MAD1L1: variants seen among roughly 807,000 people sequenced by gnomAD.
MAD1L1 encodes mitotic arrest deficient 1 like 1, also known as mitotic spindle assembly checkpoint protein MAD1.
Under a neutral mutation model 96.9 loss-of-function variants are expected in MAD1L1, and 95 were observed. The observed-to-expected ratio is 0.98, with a 90% CI of 0.83 to 1.16. The LOEUF (loss-of-function observed/expected upper bound fraction) is 1.16. MAD1L1 is among the 50% of genes most tolerant of loss of function. The pLI is 0.00. For synonymous variants in MAD1L1, 473 were observed against 396.6 expected (o/e 1.19, Z -2.29); for missense variants, 1,007 against 954.4 (o/e 1.06, Z -0.73).
At chr7:2,007,507 TTA>T (rs1562601663) in intron 13 of MAD1L1, among the ~76,000 whole-genome samples, 3 of 151,246 alleles carry the variant, frequency 2.0e-5, no homozygotes, top group Non-Finnish European at 4.4e-5. Flanking sequence ...CATGGTGAAA[TTA>T]CTAAAAATAC....
At chr7:1,926,307 T>C (rs996779849) in intron 17 of MAD1L1, among the ~76,000 whole-genome samples, 5 of 152,226 alleles carry the variant, frequency 3.3e-5, no homozygotes, top group Admixed American at 1.3e-4. Context: ...CAGCAAATTC[T>C]ACAAAACATT....
chr7:1,891,305 C>T (rs1196339255), intron 18 of MAD1L1, among the ~76,000 whole-genome samples: 4 of 152,040 alleles, frequency 2.6e-5, no homozygotes, highest in Non-Finnish European at 5.9e-5. Context: ...GAGGGAGGAT[C>T]ACCAGGTCAG....
At chr7:1,897,340 G>A (rs1274458600) in intron 18 of MAD1L1, among the ~76,000 whole-genome samples, 1 of 152,220 alleles carries the variant, frequency 6.6e-6, no homozygotes, top group Non-Finnish European at 1.5e-5. Context: ...GCAGTCCCAG[G>A]TGGGGCCCGT....
chr7:2,066,539 G>C (rs1784882464), intron 12 of MAD1L1, among the ~76,000 whole-genome samples: 2 of 152,234 alleles, frequency 1.3e-5, no homozygotes, highest in African/African-American at 4.8e-5. Context: ...GTCGGGGTGA[G>C]GCTGGCGCGG....
rs151307654 is a variant in MAD1L1, at chr7:1,910,988, G to T, written c.1808-12598C>A. 4.0e-3 allele frequency among the ~76,000 whole-genome samples: 609 copies of T among 152,296 alleles called. 6 individuals carry two copies. The highest frequency in any genetic ancestry group is 0.014 in the Middle Eastern group (4 of 294). ...TGACCGGAGGCCCTGGCGGGGCCTG[G>T]TCTGGGCGCATCAGTCCTTTCAAGT... On this transcript the variant is annotated intron_variant, in intron 17 of 18. Coordinates refer to ENST00000265854, the MANE Select transcript of MAD1L1 (RefSeq NM_001013836.2).
chr7:1,934,776 C>G (rs934567672), intron 17 of MAD1L1, among the ~76,000 whole-genome samples: 1 of 150,156 alleles, frequency 6.7e-6, no homozygotes, highest in Non-Finnish European at 1.5e-5. Flanking sequence ...AACGAACACA[C>G]GAGCGAACCC....
intron 13 of MAD1L1, among the ~76,000 whole-genome samples, chr7:2,003,771 G>A (rs1291530287): frequency 2.0e-5 from 3 of 152,218 alleles, no homozygotes; most frequent in African/African-American, 7.2e-5. Context: ...AGCCAGCCTA[G>A]CCACTGTCAT....
At chr7:2,011,947 C>A (rs1342230440) in intron 13 of MAD1L1, among the ~76,000 whole-genome samples, 1 of 152,140 alleles carries the variant, frequency 6.6e-6, no homozygotes, top group African/African-American at 2.4e-5. Flanking sequence ...CGTGTGAACT[C>A]CCACAGTGAG....
chr7:1,851,454 C>T (rs1783974018), intron 18 of MAD1L1, among the ~76,000 whole-genome samples: 1 of 152,152 alleles, frequency 6.6e-6, no homozygotes, highest in Non-Finnish European at 1.5e-5. Flanking sequence ...TGAGAGGCGT[C>T]CCCAGCAGTG....
intron 11 of MAD1L1, among the ~76,000 whole-genome samples, chr7:2,091,201 A>T (rs1232191786): frequency 2.0e-5 from 3 of 151,808 alleles, no homozygotes; most frequent in Non-Finnish European, 2.9e-5. Flanking sequence ...CCTCCTGTGT[A>T]TTTCCTACCC....
chr7:1,946,312 C>T (rs1779226710), intron 16 of MAD1L1, among the ~76,000 whole-genome samples: 1 of 152,192 alleles, frequency 6.6e-6, no homozygotes, highest in Admixed American at 6.5e-5. Flanking sequence ...CCACCTAGGG[C>T]GCTGAGCACT....
intron 10 of MAD1L1, among the ~76,000 whole-genome samples, chr7:2,192,250 C>A (rs1197585110): frequency 6.6e-6 from 1 of 151,912 alleles, no homozygotes; most frequent in African/African-American, 2.4e-5. Flanking sequence ...CCTGCCTCAG[C>A]CTCCCAAGTC....
intron 14 of MAD1L1, among the ~76,000 whole-genome samples, chr7:2,000,124 G>A (rs1056109940): frequency 1.1e-4 from 16 of 152,106 alleles, no homozygotes; most frequent in African/African-American, 2.4e-4. Flanking sequence ...CGTGTGGCAG[G>A]CGTGAGACTC....
At chr7:2,033,806 C>A (rs1411994140) in intron 12 of MAD1L1, among the ~76,000 whole-genome samples, 1 of 152,246 alleles carries the variant, frequency 6.6e-6, no homozygotes, top group African/African-American at 2.4e-5. Flanking sequence ...CACTCAGTAA[C>A]AATTGCCTAA....
rs188646630 is a variant in MAD1L1, at chr7:2,100,166, G to A, written c.1074-30828C>T. The stretch of plus-strand genomic sequence containing the variant: ...AGACAGGTGCACACTGCTTTACGAC[G>A]GCCAGCGCAGTCAGCTGCAAGTACT... On this transcript the variant is annotated intron_variant, in intron 11 of 18. Coordinates refer to ENST00000265854, the MANE Select transcript of MAD1L1 (RefSeq NM_001013836.2). Among the ~76,000 whole-genome samples the A allele has an allele frequency of 2.0e-4, 31 of 152,304 alleles. No individual in the cohort carries two copies. The Middle Eastern group carries it at 0.014, about 67-fold the overall frequency.
chr7:1,910,843 G>A (rs1583752338), intron 17 of MAD1L1, among the ~76,000 whole-genome samples: 2 of 152,224 alleles, frequency 1.3e-5, no homozygotes, highest in South Asian at 4.1e-4. Flanking sequence ...TGGGGAAACC[G>A]ACGATGAGAA....
intron 18 of MAD1L1, among the ~76,000 whole-genome samples, chr7:1,821,850 C>A (rs1237069293): frequency 6.6e-6 from 1 of 152,216 alleles, no homozygotes; most frequent in Non-Finnish European, 1.5e-5. Context: ...TGGCCGCCTT[C>A]CCTCATTCGG....
At chr7:2,165,877 A>C (rs1254723436) in intron 10 of MAD1L1, among the ~76,000 whole-genome samples, 1 of 152,174 alleles carries the variant, frequency 6.6e-6, no homozygotes, top group Non-Finnish European at 1.5e-5. Context: ...CCCCGCTGAC[A>C]AAGGCAGGTC....
At chr7:1,916,751 G>C (rs893239995) in intron 17 of MAD1L1, among the ~76,000 whole-genome samples, 2 of 152,170 alleles carry the variant, frequency 1.3e-5, no homozygotes, top group African/African-American at 4.8e-5. Context: ...CTCATGAGTA[G>C]AAATGACAGT....
Sources: allele counts gnomAD v4.1 joint callset (sites outside exome capture counted in the v4.1 genomes callset), GRCh38; gene constraint gnomAD v4.1.1; transcripts MANE v1.5; gene names NCBI Gene and HGNC (gene_info 2026-07-23, HGNC 2026-07-21).